Variants in ZBTB38 observed in about 807,000 individuals in gnomAD.
ZBTB38 encodes the protein zinc finger and BTB domain containing 38, also known as zinc finger and BTB domain-containing protein 38.
Under a neutral mutation model 76.8 loss-of-function variants are expected in ZBTB38, and 20 were observed. The ratio of observed to expected loss-of-function variants is 0.26; its 90% CI spans 0.18 to 0.38. The LOEUF (loss-of-function observed/expected upper bound fraction) is 0.38. Among genes scored for constraint, ZBTB38 ranks in the 10% least tolerant of loss-of-function variants. The pLI is 1.00. For synonymous variants in ZBTB38, 504 were observed against 544.2 expected (o/e 0.93, Z 1.03); for missense variants, 1,082 against 1,482.3 (o/e 0.73, Z 4.43).
intron 1 of ZBTB38, among the ~76,000 whole-genome samples, chr3:141,335,905 T>C (rs1943003479): frequency 6.6e-6 from 1 of 152,242 alleles, no homozygotes; most frequent in African/African-American, 2.4e-5. Flanking sequence ...TGCTGACACA[T>C]AGTAGAATGC....
At chr3:141,398,993 T>A (rs1951043638) in intron 4 of ZBTB38, among the ~76,000 whole-genome samples, 1 of 152,216 alleles carries the variant, frequency 6.6e-6, no homozygotes, top group Non-Finnish European at 1.5e-5. Flanking sequence ...TAAAATTTTG[T>A]TGAAGAAACT....
chr3:141,383,981 T>C (rs1318879928), intron 3 of ZBTB38, among the ~76,000 whole-genome samples: 1 of 152,250 alleles, frequency 6.6e-6, no homozygotes, highest in Admixed American at 6.5e-5. Context: ...GCTTAAGTAA[T>C]TCAGGCATGG....
intron 1 of ZBTB38, among the ~76,000 whole-genome samples, chr3:141,350,724 T>C (rs1943490438): frequency 6.6e-6 from 1 of 152,254 alleles, no homozygotes; most frequent in South Asian, 2.1e-4. Context: ...ATTTTTAGTT[T>C]GAAAATTGTT....
intron 1 of ZBTB38, among the ~76,000 whole-genome samples, chr3:141,362,504 T>C (rs1202931519): frequency 6.6e-6 from 1 of 152,196 alleles, no homozygotes; most frequent in Admixed American, 6.5e-5. Context: ...TTATTATATA[T>C]CAGACATTGC....
intron 4 of ZBTB38, among the ~76,000 whole-genome samples, chr3:141,392,116 T>C (rs1373412199): frequency 6.6e-6 from 1 of 152,228 alleles, no homozygotes; most frequent in African/African-American, 2.4e-5. Flanking sequence ...AATTGATTCA[T>C]TACTTAGCTG....
chr3:141,410,187 C>G (rs756169082), intron 5 of ZBTB38, among the ~76,000 whole-genome samples: 54 of 152,154 alleles, frequency 3.5e-4, no homozygotes, highest in Non-Finnish European at 6.0e-4. Flanking sequence ...GTAGCTCCCT[C>G]CTGTCCTCAT....
rs116140031 is a variant in ZBTB38 at position 141,328,062 on chromosome 3, G to T, written c.-739+3606G>T. Among the ~76,000 whole-genome samples the T allele has an allele frequency of 9.3e-3, 1,417 of 152,272 alleles. 21 individuals carry two copies. The highest frequency in any genetic ancestry group is 0.031 in the African/African-American group (1,287 of 41,540). On this transcript the variant is annotated intron_variant, in intron 1 of 7. Transcript: ENST00000509842. ...GAAGTTCAAGATGGGAAAGCCAGGA[G>T]AAAAGGTAAGGTAATTCATCATTTT...
intron 1 of ZBTB38, among the ~76,000 whole-genome samples, chr3:141,359,662 G>T (rs150440511): frequency 6.6e-6 from 1 of 152,354 alleles, no homozygotes; most frequent in Non-Finnish European, 1.5e-5. Context: ...CAGGTGCAGT[G>T]GCTCATGCCT....
chr3:141,357,805 A>C (rs1943709921), intron 1 of ZBTB38, among the ~76,000 whole-genome samples: 1 of 152,224 alleles, frequency 6.6e-6, no homozygotes, highest in South Asian at 2.1e-4. Context: ...GTCTTTAAAA[A>C]AGTTTGTATC....
At chr3:141,428,428 C>T (rs2076799472) in intron 5 of ZBTB38, among the ~76,000 whole-genome samples, 3 of 152,174 alleles carry the variant, frequency 2.0e-5, no homozygotes, top group Admixed American at 2.0e-4. Flanking sequence ...GTTAATAATA[C>T]TAGCTTCCAT....
chr3:141,407,922 C>T (rs911432509), intron 5 of ZBTB38, among the ~76,000 whole-genome samples: 3 of 152,188 alleles, frequency 2.0e-5, no homozygotes, highest in Non-Finnish European at 4.4e-5. Context: ...GGTATTATTG[C>T]ACCCTCCCAC....
At chr3:141,402,113 G>A (rs1952218485) in intron 4 of ZBTB38, among the ~76,000 whole-genome samples, 1 of 152,218 alleles carries the variant, frequency 6.6e-6, no homozygotes, top group Non-Finnish European at 1.5e-5. Flanking sequence ...TGAGGAGGCT[G>A]AGGCCGCTGC....
chr3:141,433,927 G>T (rs979056023), intron 5 of ZBTB38, among the ~76,000 whole-genome samples: 15 of 152,214 alleles, frequency 9.9e-5, no homozygotes, highest in South Asian at 2.1e-4. Flanking sequence ...ATCTTTAAGA[G>T]ATTGCAGAGA....
Position 141,442,259 on chromosome 3 carries a change from A to C in ZBTB38, c.1-130A>C. 1 of 669,212 alleles carries C rather than the reference A, an allele frequency of 1.5e-6. No individual in the cohort carries two copies. The highest frequency in any genetic ancestry group is 2.5e-6 in the Non-Finnish European group (1 of 395,772). The allele number at this position is 669,212 out of a possible 1,614,324, so 41.5% of individuals were successfully genotyped here. A position where few individuals can be genotyped will look rare whatever the true frequency, so the allele number is the denominator to read the frequency against. On this transcript the variant is annotated intron_variant, in intron 5 of 5. Coordinates refer to ENST00000321464, the MANE Select transcript of ZBTB38 (RefSeq NM_001376113.1). The surrounding 1 kb of genome is among the most constrained non-coding windows in gnomAD (Gnocchi z 6.4). ...ATGTTGACTCTTGAGTCTCGGGAGC[A>C]TCAACAGAATGAGATAAAAACCTGA... is the stretch of plus-strand genomic sequence containing the variant.
At chr3:141,393,848 G>A (rs1949625602) in intron 4 of ZBTB38, among the ~76,000 whole-genome samples, 1 of 152,128 alleles carries the variant, frequency 6.6e-6, no homozygotes, top group Non-Finnish European at 1.5e-5. Flanking sequence ...TACAGACTGG[G>A]TGCTATGATG....
intron 2 of ZBTB38, among the ~76,000 whole-genome samples, chr3:141,375,473 A>G (rs1031926557): frequency 1.3e-5 from 2 of 152,356 alleles, no homozygotes; most frequent in African/African-American, 4.8e-5. Context: ...TGGGCAGCCT[A>G]GACCTAGCAA....
chr3:141,356,222 G>C (rs557744986), intron 1 of ZBTB38, among the ~76,000 whole-genome samples: 1 of 152,192 alleles, frequency 6.6e-6, no homozygotes, highest in African/African-American at 2.4e-5. Context: ...TGGGACCATG[G>C]GAAGTGAGGA....
intron 1 of ZBTB38, among the ~76,000 whole-genome samples, chr3:141,328,725 G>T (rs570046775): frequency 1.3e-5 from 2 of 152,058 alleles, no homozygotes; most frequent in Non-Finnish European, 2.9e-5. Context: ...CCTCCAAGGC[G>T]CTCTGTCACC....
At chr3:141,352,130 G>A (rs1326190748) in intron 1 of ZBTB38, among the ~76,000 whole-genome samples, 1 of 152,058 alleles carries the variant, frequency 6.6e-6, no homozygotes, top group Non-Finnish European at 1.5e-5. Flanking sequence ...AGGGGAGCAG[G>A]GGAGGCAGAT....
Sources: allele counts gnomAD v4.1 joint callset (sites outside exome capture counted in the v4.1 genomes callset), GRCh38; gene constraint gnomAD v4.1.1; non-coding constraint Gnocchi (gnomAD v3.1); transcripts MANE v1.5; gene names NCBI Gene and HGNC (gene_info 2026-07-23, HGNC 2026-07-21).